The following KLF16 variants were observed in gnomAD, a reference collection of about 807,000 sequenced individuals.
The protein encoded by KLF16 is KLF transcription factor 16, also known as Krueppel-like factor 16.
In KLF16, 6 loss-of-function variants were observed where a neutral mutation model predicts 6.1. That is an observed-to-expected ratio of 0.98 (90% CI 0.54 to 1.93). KLF16 has a LOEUF of 1.93. Among genes scored for constraint, KLF16 ranks in the 30% most tolerant of loss-of-function variants. The pLI is 0.01. For missense variants in KLF16, 355 were observed against 363.8 expected, an observed-to-expected ratio of 0.98 and a Z score of 0.20; for synonymous variants, 211 against 176.5, an observed-to-expected ratio of 1.20 and a Z score of -1.55.
the KLF16 span, chr19:1,875,080 C>T: frequency 2.0e-5 from 3 of 152,188 alleles, no homozygotes; most frequent in Non-Finnish European, 4.4e-5. Context: ...GCAAGGGTGT[C>T]GCCGGCCCCC....
chr19:1,854,195 G>A lies in KLF16; in HGVS notation c.*264C>T. ...AGGGGAGGACCTCCTAGCTGCCCTG[G>A]GGGGGCCCCGTTGCACAGATGGGAA... On this transcript the variant is annotated 3_prime_UTR_variant, in exon 2 of 2. Transcript: ENST00000250916. 2.5e-6 allele frequency: 1 copy of A among 404,034 alleles called. No homozygotes were observed. Among genetic ancestry groups the A allele is most frequent in the East Asian group, 4.0e-5 (1 of 25,120 alleles). The allele number at this position is 404,034 out of a possible 1,614,324, so 25.0% of individuals were successfully genotyped here.
the KLF16 span, among the ~76,000 whole-genome samples, chr19:1,868,763 T>A: frequency 0.014 from 2,185 of 151,756 alleles, 48 homozygotes; most frequent in African/African-American, 0.051. Context: ...CAGCCTTGGC[T>A]TCCCGAGTAG....
Position 1,857,140 on chromosome 19 carries a change from C to A in KLF16, c.458-2380G>T, listed in dbSNP as rs2011970024. On this transcript the variant is annotated intron_variant, in intron 1 of 1. Transcript: ENST00000250916. This position sits in a 1 kb window ranked among gnomAD's most constrained non-coding sequence, Gnocchi z 4.7. ...GCCTGGGTGCCTGCCAGCCCCGCCCCGCGCTTGGAGACTGAGGCGCGCACA... is the reference window on the plus strand; with the variant it reads ...GCCTGGGTGCCTGCCAGCCCCGCCCAGCGCTTGGAGACTGAGGCGCGCACA... Among the ~76,000 whole-genome samples the A allele has an allele frequency of 6.6e-6, 1 of 152,122 alleles. No individual in the cohort carries two copies. The highest frequency in any genetic ancestry group is 1.5e-5 in the Non-Finnish European group (1 of 68,012).
chr19:1,864,857 C>T (rs1053102416), upstream of KLF16, among the ~76,000 whole-genome samples: 2 of 152,194 alleles, frequency 1.3e-5, no homozygotes, highest in African/African-American at 4.8e-5. Flanking sequence ...ACCGCGCTCC[C>T]GCCCCTTCCC....
chr19:1,866,276 C>A (rs1391718418), upstream of KLF16, among the ~76,000 whole-genome samples: 2 of 149,812 alleles, frequency 1.3e-5, no homozygotes, highest in Non-Finnish European at 3.0e-5. Flanking sequence ...CATTGTACTT[C>A]AACCTGGGCG....
At position 1,857,856 on chromosome 19, in the gene KLF16, G is replaced by A. The variant is rs1036002392; in HGVS notation, c.458-3096C>T. ...CCACCCAGGGAAGGGAGGAGCTCCT[G>A]AAGGTGATCCTTGAGCAGGTTCTAT... On this transcript the variant is annotated intron_variant, in intron 1 of 1. Coordinates refer to ENST00000250916, the MANE Select transcript of KLF16 (RefSeq NM_031918.4). This position sits in a 1 kb window ranked among gnomAD's most constrained non-coding sequence, Gnocchi z 4.7. Among the ~76,000 whole-genome samples the A allele has an allele frequency of 2.0e-5, 3 of 152,192 alleles. No individual in the cohort carries two copies. The highest frequency in any genetic ancestry group is 7.2e-5 in the African/African-American group (3 of 41,536).
intron 1 of KLF16, among the ~76,000 whole-genome samples, chr19:1,856,620 G>C (rs909968548): frequency 1.3e-5 from 2 of 152,178 alleles, no homozygotes; most frequent in Admixed American, 6.5e-5. Flanking sequence ...TACAACCCAA[G>C]CAAGAGGCGC....
intron 1 of KLF16, among the ~76,000 whole-genome samples, chr19:1,859,562 C>G (rs1156686092): frequency 6.6e-6 from 1 of 151,956 alleles, no homozygotes; most frequent in African/African-American, 2.4e-5. Context: ...CTCCCCACCT[C>G]AAGTCCCTAC....
chr19:1,865,757 C>T (rs2012178072), upstream of KLF16, among the ~76,000 whole-genome samples: 1 of 152,222 alleles, frequency 6.6e-6, no homozygotes, highest in Non-Finnish European at 1.5e-5. Flanking sequence ...TCTATTCACA[C>T]CCCTAAGCCC....
intron 1 of KLF16, among the ~76,000 whole-genome samples, chr19:1,855,497 G>A (rs957731151): frequency 2.0e-5 from 3 of 152,152 alleles, no homozygotes; most frequent in African/African-American, 7.2e-5. Flanking sequence ...GACAGATGGC[G>A]CTGGGCAGGG....
chr19:1,871,559 T>G, the KLF16 span, among the ~76,000 whole-genome samples: 1 of 152,146 alleles, frequency 6.6e-6, no homozygotes, highest in Admixed American at 6.5e-5. Context: ...TTGCATTATG[T>G]GACCAAAACG....
Position 1,857,504 on chromosome 19 carries a change from AG to A in KLF16, c.458-2745del, listed in dbSNP as rs2011979058. ...GTGAGCTCAGGACAGCCTCGGAAAC[AG>A]GCAGGCTCAGAAAAATGGAGTCCAG... is the stretch of plus-strand genomic sequence containing the variant. On this transcript the variant is annotated intron_variant, in intron 1 of 1. Transcript: ENST00000250916. The surrounding 1 kb of genome is among the most constrained non-coding windows in gnomAD (Gnocchi z 4.7). 1.3e-5 allele frequency among the ~76,000 whole-genome samples: 2 copies of A among 152,156 alleles called. No individual in the cohort carries two copies. The highest frequency in any genetic ancestry group is 4.8e-5 in the African/African-American group (2 of 41,440).
At position 1,854,496 on chromosome 19, in the gene KLF16, G is replaced by A. The variant is rs1208352293; in HGVS notation, c.722C>T (p.Pro241Leu). 2 of 1,450,850 alleles carry A rather than the reference G, an allele frequency of 1.4e-6. No homozygotes were observed. Among genetic ancestry groups the A allele is most frequent in the African/African-American group, 1.5e-5 (1 of 67,226 alleles). The allele number at this position is 1,450,850 out of a possible 1,614,324, so 89.9% of individuals were successfully genotyped here. Reference sequence around the variant, plus strand: ...GGGGGCTGGGCTGGGCGCGGGGCTGGGCGCAGGGCTCCCGGCCAGGCTGCA... The same window carrying A: ...GGGGGCTGGGCTGGGCGCGGGGCTGAGCGCAGGGCTCCCGGCCAGGCTGCA... ...LPCSLAGSPA[P>L]SPAPSPAPAG... Residue 241 changes from proline to leucine, a missense_variant, in exon 2 of 2, where the codon CCC becomes CTC. Pro to Leu is a moderately conservative substitution (Grantham distance 98). Transcript: ENST00000250916.
chr19:1,873,715 G>T, the KLF16 span, among the ~76,000 whole-genome samples: 1 of 152,264 alleles, frequency 6.6e-6, no homozygotes, highest in Non-Finnish European at 1.5e-5. Context: ...GAGAGCGCGC[G>T]TCCTGGAATA....
upstream of KLF16, among the ~76,000 whole-genome samples, chr19:1,865,081 T>A (rs988448385): frequency 6.6e-6 from 1 of 152,240 alleles, no homozygotes; most frequent in Non-Finnish European, 1.5e-5. Context: ...GCACTGCGCC[T>A]GGGCTCAACC....
the KLF16 span, among the ~76,000 whole-genome samples, chr19:1,872,640 T>C: frequency 6.6e-6 from 1 of 151,884 alleles, no homozygotes; most frequent in East Asian, 1.9e-4. Context: ...TGGCGGGAGG[T>C]GCTCGCTGTC....
At chr19:1,867,194 C>A (rs1230900199), upstream of KLF16, among the ~76,000 whole-genome samples, 3 of 152,138 alleles carry the variant, frequency 2.0e-5, no homozygotes, top group South Asian at 6.2e-4. Context: ...ACACAGTCTC[C>A]CAGAGGACAG....
At chr19:1,868,786 G>T in the KLF16 span, among the ~76,000 whole-genome samples, 1 of 151,954 alleles carries the variant, frequency 6.6e-6, no homozygotes, top group South Asian at 2.1e-4. Flanking sequence ...GCGATTACAG[G>T]CATATACCAC....
In KLF16 at chr19:1,853,884, G is replaced by A. The variant is rs549158246; in HGVS notation, c.*575C>T. ...TCTGGGGGGCCAGGCAGCCCCTACC[G>A]TGGGCAGAACTTGTGGACACCTGAG... On this transcript the variant is annotated 3_prime_UTR_variant, in exon 2 of 2. Coordinates refer to ENST00000250916, the MANE Select transcript of KLF16 (RefSeq NM_031918.4). 4 of 152,752 alleles carry A rather than the reference G, an allele frequency of 2.6e-5. No homozygotes were observed. Among genetic ancestry groups the A allele is most frequent in the South Asian group, 2.1e-4 (1 of 4,854 alleles). The allele number at this position is 152,752 out of a possible 1,614,324, so 9.5% of individuals were successfully genotyped here.
Sources: gnomAD v4.1 joint callset for allele counts (sites outside exome capture counted in the v4.1 genomes callset) on GRCh38, gnomAD v4.1.1 for gene constraint, Gnocchi (gnomAD v3.1) non-coding constraint, MANE v1.5 for transcripts, NCBI Gene and HGNC (gene_info 2026-07-23, HGNC 2026-07-21) for gene names.